The following TNS1 variants were observed in gnomAD, a reference collection of about 807,000 sequenced individuals.
TNS1 encodes tensin 1, also known as tensin-1.
TNS1 carries 62 observed loss-of-function variants against 168.6 expected under a neutral mutation model. The observed-to-expected ratio is 0.37, with a 90% confidence interval of 0.30 to 0.45. The LOEUF (loss-of-function observed/expected upper bound fraction) is 0.45, where lower values mean the gene tolerates loss of function less well. Ranked by LOEUF, TNS1 falls within the 20% of genes least tolerant of loss-of-function variation. The probability of loss-of-function intolerance (pLI) is 1.00; values close to 1 mark genes in which losing one functional copy is unlikely to be tolerated. For missense variants in TNS1, 2,240 were observed against 2,339.4 expected, an observed-to-expected ratio of 0.96 and a Z score of 0.88; for synonymous variants, 934 against 933.2, an observed-to-expected ratio of 1.00 and a Z score of -0.02.
rs371746606 is a variant in TNS1, at chr2:217,813,174, T to A, written c.4954+41A>T. ...GAGGAACCCAGGACAGGACCAAGAC[T>A]CAGGCCAGACTGTAGAGATGGGGGC... On this transcript the variant is annotated intron_variant, in intron 27 of 32. Coordinates refer to ENST00000682258, the MANE Select transcript of TNS1 (RefSeq NM_001387777.1). The surrounding 1 kb of genome is among the most constrained non-coding windows in gnomAD (Gnocchi z 4.0). 1 of 1,503,834 alleles carries A rather than the reference T, an allele frequency of 6.6e-7. No homozygotes were observed. Among genetic ancestry groups the A allele is most frequent in the Non-Finnish European group, 9.1e-7 (1 of 1,093,212 alleles). The allele number at this position is 1,503,834 out of a possible 1,614,324, so 93.2% of individuals were successfully genotyped here. A position where few individuals can be genotyped will look rare whatever the true frequency, so the allele number is the denominator to read the frequency against.
chr2:217,953,331 G>C (rs560045703), intron 3 of TNS1, among the ~76,000 whole-genome samples: 1 of 152,330 alleles, frequency 6.6e-6, no homozygotes, highest in East Asian at 1.9e-4. Context: ...ATGGGTGACT[G>C]TTTTCTTGGA....
At chr2:217,837,547 C>T (rs775926259) in intron 19 of TNS1, among the ~76,000 whole-genome samples, 1 of 152,188 alleles carries the variant, frequency 6.6e-6, no homozygotes, top group Non-Finnish European at 1.5e-5. Context: ...GGGTGGGGGG[C>T]GCATCAGGAG....
chr2:217,937,718 C>T (rs770631865), intron 3 of TNS1, among the ~76,000 whole-genome samples: 11 of 152,106 alleles, frequency 7.2e-5, no homozygotes, highest in Non-Finnish European at 1.2e-4. Context: ...CCTTTCAGCC[C>T]TTCATTTACA....
Position 217,818,451 on chromosome 2 carries a change from G to A in TNS1, c.3881C>T (p.Pro1294Leu). Residue 1294 changes from proline (P) to leucine (L), a missense_variant, in exon 24 of 33, where the codon CCC becomes CTC. By Grantham distance (98) the Pro-to-Leu change is moderately conservative (BLOSUM62 -3). This residue lies in a region of TNS1 where 2,131 missense variants were observed against 2,171.2 expected (regional missense o/e 0.98). Coordinates refer to ENST00000682258, the MANE Select transcript of TNS1 (RefSeq NM_001387777.1). ...CCGCCAGCCGAAGCCAGGACTAGGG[G>A]GAGTGTTGGTGCCCACTGTTCTGTG... ...ARHRTVGTNT[P>L]PSPGFGWRAI... 2 of 1,614,172 alleles carry A rather than the reference G, an allele frequency of 1.2e-6. No homozygotes were observed. Among genetic ancestry groups the A allele is most frequent in the South Asian group, 1.1e-5 (1 of 91,076 alleles).
chr2:217,975,038 G>A (rs890254344), intron 3 of TNS1, among the ~76,000 whole-genome samples: 5 of 152,184 alleles, frequency 3.3e-5, no homozygotes, highest in African/African-American at 1.2e-4. Flanking sequence ...TGTGGGTTCT[G>A]CCTTGCTCTC....
At chr2:218,022,240 G>A (rs1958811715) in intron 1 of TNS1, among the ~76,000 whole-genome samples, 1 of 152,070 alleles carries the variant, frequency 6.6e-6, no homozygotes, top group Non-Finnish European at 1.5e-5. Flanking sequence ...TCAGAGAGAG[G>A]TGGAGGTAAC....
At chr2:217,917,551 C>T (rs866161610) in intron 4 of TNS1, among the ~76,000 whole-genome samples, 18 of 152,094 alleles carry the variant, frequency 1.2e-4, no homozygotes, top group South Asian at 8.3e-4. Flanking sequence ...GAGGTTCGGC[C>T]GGGCGCGCAG....
At chr2:218,002,698 A>G (rs1270225905) in intron 1 of TNS1, 142 bp downstream of exon 1, 10 of 433,850 alleles carry the variant, frequency 2.3e-5, no homozygotes, top group Non-Finnish European at 4.2e-5. Flanking sequence ...GTCCTTCTGT[A>G]GGTCAGAGAC....
chr2:218,022,602 C>T (rs1192733733), intron 1 of TNS1, among the ~76,000 whole-genome samples: 1 of 151,764 alleles, frequency 6.6e-6, no homozygotes, highest in Non-Finnish European at 1.5e-5. Context: ...AGCACAAATC[C>T]ACACAAAGAG....
intron 3 of TNS1, among the ~76,000 whole-genome samples, chr2:217,946,428 T>C (rs1957106800): frequency 6.6e-6 from 1 of 152,162 alleles, no homozygotes; most frequent in East Asian, 1.9e-4. Context: ...TCTCAATAAG[T>C]GTGGAATGAA....
chr2:217,862,610 G>T (rs887900076), intron 18 of TNS1, among the ~76,000 whole-genome samples: 1 of 152,232 alleles, frequency 6.6e-6, no homozygotes, highest in African/African-American at 2.4e-5. Flanking sequence ...TCAAGCCAGA[G>T]GATGTTGTGA....
At chr2:218,000,764 C>A (rs1344274009) in intron 1 of TNS1, among the ~76,000 whole-genome samples, 2 of 152,242 alleles carry the variant, frequency 1.3e-5, no homozygotes, top group African/African-American at 4.8e-5. Flanking sequence ...CTGGCCCATC[C>A]TGGCCATGGG....
chr2:217,970,830 C>A, intron 3 of TNS1, among the ~76,000 whole-genome samples: 1 of 150,866 alleles, frequency 6.6e-6, no homozygotes, highest in Non-Finnish European at 1.5e-5. Context: ...TGTGATGATA[C>A]AAAAAAAATC....
At chr2:217,954,515 T>C (rs543087166) in intron 3 of TNS1, among the ~76,000 whole-genome samples, 1 of 152,308 alleles carries the variant, frequency 6.6e-6, no homozygotes, top group East Asian at 1.9e-4. Context: ...ATTATCACCA[T>C]GATAAACAGG....
chr2:217,881,032 G>T lies in TNS1; in HGVS notation c.1313-18C>A, dbSNP rs767897212. ...CTCCATGCCTAAGTGGGATGGGAAA[G>T]GCAGCGGCAGTCGGGGAGACAGTGC... On this transcript the variant is annotated intron_variant, in intron 17 of 32. Transcript: ENST00000682258. 9.5e-6 allele frequency: 15 copies of T among 1,571,108 alleles called. No homozygotes were observed. Among genetic ancestry groups the T allele is most frequent in the Non-Finnish European group, 1.3e-5 (15 of 1,140,762 alleles).
At chr2:217,980,834 C>A (rs1559398666) in intron 2 of TNS1, among the ~76,000 whole-genome samples, 1 of 152,116 alleles carries the variant, frequency 6.6e-6, no homozygotes, top group East Asian at 1.9e-4. Flanking sequence ...TTGGCACTTG[C>A]TGTGTCAGCT....
intron 32 of TNS1, among the ~76,000 whole-genome samples, chr2:217,804,964 C>G (rs1413683615): frequency 6.6e-6 from 1 of 151,988 alleles, no homozygotes; most frequent in East Asian, 1.9e-4. Context: ...CCAGCCCTAC[C>G]CCTACTGACT....
At chr2:218,005,896 T>C (rs552622939), upstream of TNS1, among the ~76,000 whole-genome samples, 3 of 152,156 alleles carry the variant, frequency 2.0e-5, no homozygotes, top group Non-Finnish European at 2.9e-5. Context: ...AATGCCCCAT[T>C]CCCAAGCTCT....
At chr2:217,882,035 C>A (rs1483988005) in intron 17 of TNS1, 2 of 260,004 alleles carry the variant, frequency 7.7e-6, no homozygotes, top group African/African-American at 4.5e-5. Flanking sequence ...GTGCCCCCTG[C>A]CCGCCAGCCA....
Sources: allele counts gnomAD v4.1 joint callset (sites outside exome capture counted in the v4.1 genomes callset), GRCh38; gene constraint gnomAD v4.1.1; regional missense constraint gnomAD v4.1.1; non-coding constraint Gnocchi (gnomAD v3.1); transcripts MANE v1.5; gene names NCBI Gene and HGNC (gene_info 2026-07-23, HGNC 2026-07-21).